Variants in NOP53 observed in about 807,000 individuals in gnomAD.
NOP53 encodes NOP53 ribosome biogenesis factor.
NOP53 carries 40 observed loss-of-function variants against 61.0 expected under a neutral mutation model. That is an observed-to-expected ratio of 0.66 (90% CI 0.51 to 0.85). The LOEUF is 0.85. NOP53 is among the 40% of genes least tolerant of loss of function. The probability of loss-of-function intolerance (pLI) is 0.00; values close to 1 mark genes in which losing one functional copy is unlikely to be tolerated. For synonymous variants in NOP53, 308 were observed against 289.5 expected, an observed-to-expected ratio of 1.06 and a Z score of -0.65; for missense variants, 689 against 652.9, an observed-to-expected ratio of 1.06 and a Z score of -0.60.
intron 10 of NOP53, 122 bp from the exon 11 acceptor site, chr19:47,756,406 G>T: frequency 1.4e-6 from 1 of 698,436 alleles, no homozygotes; most frequent in Admixed American, 2.7e-5. Context: ...TGAGTCCCTG[G>T]TGCCCACAGG....
rs565290384 is a variant in NOP53, at chr19:47,755,410, C to T, written c.1116C>T (p.Arg372=). Residue 372 remains arginine, a synonymous_variant, in exon 9 of 13, where the codon CGC becomes CGT. Transcript: ENST00000246802. ...GGCACCAGGAGCTGTTCCGGCTGCG[C>T]GGGATCAAGGCCCAGGTGGCCCTGA... ...RLRHQELFRL[R]GIKAQVALRL... 349 of 1,534,076 alleles carry T rather than the reference C, an allele frequency of 2.3e-4. 2 individuals are homozygous for T. The highest frequency in any genetic ancestry group is 2.3e-3 in the African/African-American group (161 of 70,912).
chr19:47,754,998 C>T lies in NOP53; in HGVS notation c.1053+107C>T. On this transcript the variant is annotated intron_variant, in intron 8 of 12. Transcript: ENST00000246802. This position sits in a 1 kb window ranked among gnomAD's most constrained non-coding sequence, Gnocchi z 4.2. Reference sequence around the variant, plus strand: ...CTGCGGGCAGCCTGCACACCCCAAGCCCCGCATGTGGCCTGTGGTTTGGGC... The same window carrying T: ...CTGCGGGCAGCCTGCACACCCCAAGTCCCGCATGTGGCCTGTGGTTTGGGC... 1 of 1,052,742 alleles carries T rather than the reference C, an allele frequency of 9.5e-7. No homozygotes were observed. Among genetic ancestry groups the T allele is most frequent in the South Asian group, 1.7e-5 (1 of 57,718 alleles). The allele number at this position is 1,052,742 out of a possible 1,614,324, so 65.2% of individuals were successfully genotyped here. A position where few individuals can be genotyped will look rare whatever the true frequency, so the allele number is the denominator to read the frequency against.
At chr19:47,751,448 G>A in intron 4 of NOP53, 72 bp from the exon 5 acceptor site, 1 of 1,158,788 alleles carries the variant, frequency 8.6e-7, no homozygotes, top group Non-Finnish European at 1.3e-6. Context: ...AATGTGGAGG[G>A]ATTGGGGGGG....
rs1967179038 is a variant in NOP53, at chr19:47,755,366, T to C, written c.1072T>C (p.Leu358=). The C allele has an allele frequency of 1.3e-5, 19 of 1,517,550 alleles. No individual in the cohort carries two copies. Among genetic ancestry groups the C allele is most frequent in the Non-Finnish European group, 1.7e-5 (19 of 1,139,100 alleles). 94.0% of individuals were successfully genotyped at this position (1,517,550 alleles called of 1,614,324 possible). ...VHRLRVQQAA[L]RAARLRHQEL... ...TCCACAGCGGGTACAGCAGGCCGCG[T>C]TGCGGGCCGCCCGGCTCCGGCACCA... Residue 358 remains leucine, a synonymous_variant, in exon 9 of 13, where the codon TTG becomes CTG. Coordinates refer to ENST00000246802, the MANE Select transcript of NOP53 (RefSeq NM_015710.5).
At chr19:47,755,632 A>T in intron 9 of NOP53, 109 bp downstream of exon 9, 3 of 1,272,538 alleles carry the variant, frequency 2.4e-6, no homozygotes, top group East Asian at 5.2e-5. Context: ...CCATCGGGAG[A>T]CCACCTCTTC....
rs1967165659 is a variant in NOP53, at chr19:47,754,682, C to T, written c.871-27C>T. 5.8e-6 allele frequency: 9 copies of T among 1,540,362 alleles called. No individual in the cohort carries two copies. Among genetic ancestry groups the T allele is most frequent in the Non-Finnish European group, 7.9e-6 (9 of 1,140,206 alleles). The stretch of plus-strand genomic sequence containing the variant: ...TCCCCTCCCCGGGCCTCCTACCCAC[C>T]CCTGACACTGCACCCCGCCTCCCCA... On this transcript the variant is annotated intron_variant, in intron 7 of 12. Coordinates refer to ENST00000246802, the MANE Select transcript of NOP53 (RefSeq NM_015710.5). The surrounding 1 kb of genome is among the most constrained non-coding windows in gnomAD (Gnocchi z 4.2).
chr19:47,754,663 C>T lies in NOP53; in HGVS notation c.870+32C>T. ...CCCGCACCTGCCCACTCCCTCCCCT[C>T]CCCGGGCCTCCTACCCACCCCTGAC... On this transcript the variant is annotated intron_variant, in intron 7 of 12. Transcript: ENST00000246802. This position sits in a 1 kb window ranked among gnomAD's most constrained non-coding sequence, Gnocchi z 4.2. 1.9e-6 allele frequency: 3 copies of T among 1,540,674 alleles called. No homozygotes were observed. The highest frequency in any genetic ancestry group is 2.6e-6 in the Non-Finnish European group (3 of 1,140,078).
intron 12 of NOP53, 77 bp from the exon 13 acceptor site, chr19:47,756,922 A>G (rs1967208680): frequency 6.3e-7 from 1 of 1,591,988 alleles, no homozygotes. Flanking sequence ...GGGAAACTGA[A>G]AGGCAGGGGG....
intron 3 of NOP53, 88 bp downstream of exon 3, chr19:47,750,374 T>A (rs1599915561): frequency 2.5e-6 from 2 of 800,756 alleles, no homozygotes; most frequent in Admixed American, 4.0e-5. Context: ...TAGGTGAGGG[T>A]CATTTGAAGG....
intron 5 of NOP53, 140 bp downstream of exon 5, chr19:47,751,730 G>A (rs1413337801): frequency 2.8e-6 from 2 of 705,570 alleles, no homozygotes; most frequent in Non-Finnish European, 5.1e-6. Context: ...CAGGTGGCTG[G>A]GATTCCTGTC....
intron 3 of NOP53, 70 bp from the exon 4 acceptor site, chr19:47,750,838 G>C: frequency 7.5e-7 from 1 of 1,336,284 alleles, no homozygotes; most frequent in South Asian, 1.3e-5. Context: ...AAGCCCGACG[G>C]GGAGGAGGCC....
At chr19:47,752,715 G>A in intron 6 of NOP53, 108 bp downstream of exon 6, 1 of 723,624 alleles carries the variant, frequency 1.4e-6, no homozygotes. Context: ...GACAGCCCTG[G>A]GCCTGTCCGC....
At chr19:47,751,230 C>G (rs1967121423) in intron 4 of NOP53, 123 bp downstream of exon 4, 1 of 932,114 alleles carries the variant, frequency 1.1e-6, no homozygotes, top group Non-Finnish European at 1.6e-6. Context: ...TGGTGACCTC[C>G]CAGCAGAGTC....
chr19:47,752,686 T>C, intron 6 of NOP53, 79 bp downstream of exon 6: 1 of 909,874 alleles, frequency 1.1e-6, no homozygotes, highest in Non-Finnish European at 1.8e-6. Context: ...CTCCCTGTGC[T>C]GGGAACTCCA....
In NOP53 at chr19:47,755,412, G is replaced by A. The variant is rs747572588; in HGVS notation, c.1118G>A (p.Gly373Glu). The change falls in exon 9 of 13, where the codon GGG (glycine) becomes GAG (glutamate). Residue 373 changes from glycine (G) to glutamate (E), a missense_variant. Coordinates refer to ENST00000246802, the MANE Select transcript of NOP53 (RefSeq NM_015710.5). ...CACCAGGAGCTGTTCCGGCTGCGCGGGATCAAGGCCCAGGTGGCCCTGAGG... is the reference window on the plus strand; with the variant it reads ...CACCAGGAGCTGTTCCGGCTGCGCGAGATCAAGGCCCAGGTGGCCCTGAGG... ...LRHQELFRLR[G>E]IKAQVALRLA... 7 of 1,534,076 alleles carry A rather than the reference G, an allele frequency of 4.6e-6. No homozygotes were observed. The highest frequency in any genetic ancestry group is 1.4e-5 in the African/African-American group (1 of 70,856).
At chr19:47,749,869 C>T (rs983042146) in intron 2 of NOP53, among the ~76,000 whole-genome samples, 1 of 152,148 alleles carries the variant, frequency 6.6e-6, no homozygotes, top group Admixed American at 6.6e-5. Flanking sequence ...GCGTGAGCCA[C>T]CATGCAGGGA....
rs762542554 is a variant in NOP53, at chr19:47,756,514, T to G, written c.1297-14T>G. 86 of 1,611,950 alleles carry G rather than the reference T, an allele frequency of 5.3e-5. No individual in the cohort carries two copies. The Middle Eastern group carries it at 6.8e-4, about 13-fold the overall frequency. On this transcript the variant is annotated splice_polypyrimidine_tract_variant and intron_variant, in intron 10 of 12. Coordinates refer to ENST00000246802, the MANE Select transcript of NOP53 (RefSeq NM_015710.5). Reference sequence around the variant, plus strand: ...CTGCCAGGCCCTGCTGAGGCCTCCCTCTCTGTCCTGTAGCCCGAGGGCAAC... The same window carrying G: ...CTGCCAGGCCCTGCTGAGGCCTCCCGCTCTGTCCTGTAGCCCGAGGGCAAC...
At chr19:47,756,477 GC>G in intron 10 of NOP53, 50 bp from the exon 11 acceptor site, 3 of 1,480,724 alleles carry the variant, frequency 2.0e-6, no homozygotes, top group Non-Finnish European at 9.4e-7. Flanking sequence ...AGAGGTCCAG[GC>G]CCTTGGGCTT....
Position 47,752,542 on chromosome 19 carries a change from C to T in NOP53, c.700C>T (p.Gln234Ter). The T allele has an allele frequency of 1.9e-6, 3 of 1,609,506 alleles. No individual in the cohort carries two copies. The highest frequency in any genetic ancestry group is 2.5e-6 in the Non-Finnish European group (3 of 1,178,876). The change falls in exon 6 of 13, where the codon CAG becomes TAG. Residue 234 changes from glutamine to a stop codon, truncating the protein, a stop_gained. Transcript: ENST00000246802. LOFTEE classifies it high-confidence loss of function. ...AGCACGCCTGCACACCAAGCCGTCC[C>T]AGGCACCCGCCGTGGAGGTGGCGCC... ...RPARLHTKPS[Q>*]APAVEVAPAG...
Sources: allele counts gnomAD v4.1 joint callset (sites outside exome capture counted in the v4.1 genomes callset), GRCh38; gene constraint gnomAD v4.1.1; non-coding constraint Gnocchi (gnomAD v3.1); transcripts MANE v1.5; gene names NCBI Gene and HGNC (gene_info 2026-07-23, HGNC 2026-07-21).